Variants in GTPBP1 observed in about 807,000 individuals in gnomAD.
GTPBP1 encodes GTP-binding protein 1.
A neutral mutation model predicts 62.0 loss-of-function variants in GTPBP1; 23 were observed. That is an observed-to-expected ratio of 0.37 (90% CI 0.27 to 0.53). The LOEUF (loss-of-function observed/expected upper bound fraction) is 0.53. Ranked by LOEUF, GTPBP1 falls within the 20% of genes least tolerant of loss-of-function variation. The pLI is 0.89. For missense variants in GTPBP1, 640 were observed against 917.3 expected (o/e 0.70, Z 3.90); for synonymous variants, 344 against 364.4 (o/e 0.94, Z 0.64).
At position 38,716,254 on chromosome 22, in the gene GTPBP1, T is replaced by C; in HGVS notation, c.485+167T>C. On this transcript the variant is annotated intron_variant, in intron 3 of 11. Coordinates refer to ENST00000216044, the MANE Select transcript of GTPBP1 (RefSeq NM_004286.5). The surrounding 1 kb of genome is among the most constrained non-coding windows in gnomAD (Gnocchi z 5.2). ...CTTGCTCTAATTCTGCACTTCCCTG[T>C]CACTTTGGGAAGAGCACGAGAGAGG... 1 of 634,198 alleles carries C rather than the reference T, an allele frequency of 1.6e-6. No homozygotes were observed. Among genetic ancestry groups the C allele is most frequent in the South Asian group, 1.9e-5 (1 of 51,566 alleles). 39.3% of individuals were successfully genotyped at this position (634,198 alleles called of 1,614,324 possible).
chr22:38,738,211 C>G, downstream of GTPBP1: 1 of 1,613,956 alleles, frequency 6.2e-7, no homozygotes, highest in Non-Finnish European at 8.5e-7. This position sits in a 1 kb window ranked among gnomAD's most constrained non-coding sequence, Gnocchi z 6.6. Context: ...CCGTCCTGAT[C>G]GTAAGTGAAC....
At chr22:38,706,386 C>T (rs1302348015) in intron 1 of GTPBP1, 3 of 330,988 alleles carry the variant, frequency 9.1e-6, no homozygotes, top group Non-Finnish European at 1.6e-5. Flanking sequence ...GCCTCCCGCC[C>T]TCCCGTCTCC....
rs545833352 is a variant in GTPBP1, at chr22:38,731,867, T to A, written c.*1163T>A. 1 of 152,264 alleles carries A rather than the reference T, an allele frequency of 6.6e-6. No individual in the cohort carries two copies. Among genetic ancestry groups the A allele is most frequent in the African/African-American group, 2.4e-5 (1 of 41,480 alleles). The allele number at this position is 152,264 out of a possible 1,614,324, so 9.4% of individuals were successfully genotyped here. ...GGAGCGTGGGGCGGGCAGGCAGGGG[T>A]TAGTGAAAGGACACTTCCAGGGTTA... is the stretch of plus-strand genomic sequence containing the variant. On this transcript the variant is annotated 3_prime_UTR_variant, in exon 12 of 12. Transcript: ENST00000216044.
intron 11 of GTPBP1, 81 bp downstream of exon 11, chr22:38,729,743 G>A (rs1052220791): frequency 1.8e-6 from 2 of 1,132,146 alleles, no homozygotes; most frequent in Non-Finnish European, 2.4e-6. Context: ...TGACATGTAG[G>A]CAAGCCTCAA....
chr22:38,717,115 C>T (rs368172354), intron 4 of GTPBP1, 115 bp downstream of exon 4: 29 of 671,382 alleles, frequency 4.3e-5, no homozygotes, highest in Admixed American at 1.9e-4. Context: ...GCTTTGACAT[C>T]GGGTGAGGCT....
downstream of GTPBP1, chr22:38,739,917 G>A: frequency 1.2e-6 from 2 of 1,612,252 alleles, no homozygotes; most frequent in South Asian, 1.1e-5. This position sits in a 1 kb window ranked among gnomAD's most constrained non-coding sequence, Gnocchi z 6.7. Context: ...GGAACTGACT[G>A]ATCCAGGCCG....
chr22:38,716,271 C>G lies in GTPBP1; in HGVS notation c.485+184C>G, dbSNP rs1215377551. The stretch of plus-strand genomic sequence containing the variant: ...CTTCCCTGTCACTTTGGGAAGAGCA[C>G]GAGAGAGGCCAGCCGTGCATTCTGT... On this transcript the variant is annotated intron_variant, in intron 3 of 11. Coordinates refer to ENST00000216044, the MANE Select transcript of GTPBP1 (RefSeq NM_004286.5). The surrounding 1 kb of genome is among the most constrained non-coding windows in gnomAD (Gnocchi z 5.2). 1.6e-6 allele frequency: 1 copy of G among 610,406 alleles called. No homozygotes were observed. Among genetic ancestry groups the G allele is most frequent in the Non-Finnish European group, 2.9e-6 (1 of 345,094 alleles). The allele number at this position is 610,406 out of a possible 1,614,324, so 37.8% of individuals were successfully genotyped here. A position where few individuals can be genotyped will look rare whatever the true frequency, so the allele number is the denominator to read the frequency against.
At chr22:38,736,055 G>T, downstream of GTPBP1, 1 of 621,090 alleles carries the variant, frequency 1.6e-6, no homozygotes, top group Non-Finnish European at 3.0e-6. Context: ...CACGGGCACA[G>T]AGGGAAGGAA....
At chr22:38,739,114 G>A (rs1198050276), downstream of GTPBP1, 1 of 1,027,224 alleles carries the variant, frequency 9.7e-7, no homozygotes, top group East Asian at 2.6e-5. This position sits in a 1 kb window ranked among gnomAD's most constrained non-coding sequence, Gnocchi z 6.7. Flanking sequence ...CCCTAACCGA[G>A]ATGCTCAGAG....
In GTPBP1 at chr22:38,720,150, G is replaced by A. The variant is rs544049909; in HGVS notation, c.835-1592G>A. Among the ~76,000 whole-genome samples the A allele has an allele frequency of 1.8e-4, 28 of 151,714 alleles. No homozygotes were observed. In the South Asian group the frequency reaches 2.5e-3, roughly 14 times the overall value. Reference sequence around the variant, plus strand: ...TCACCATGTTAGCCAGGATGGTCTCGAGCTCCTGACCTCATGATCTGCCCG... The same window carrying A: ...TCACCATGTTAGCCAGGATGGTCTCAAGCTCCTGACCTCATGATCTGCCCG... On this transcript the variant is annotated intron_variant, in intron 4 of 11. Transcript: ENST00000216044.
chr22:38,707,772 C>T (rs926535633), intron 1 of GTPBP1, among the ~76,000 whole-genome samples: 1 of 151,738 alleles, frequency 6.6e-6, no homozygotes, highest in Non-Finnish European at 1.5e-5. Flanking sequence ...GTCCTCCTTA[C>T]AATTAAAAAA....
chr22:38,739,521 C>G, downstream of GTPBP1: 1 of 1,446,958 alleles, frequency 6.9e-7, no homozygotes, highest in East Asian at 2.4e-5. This position sits in a 1 kb window ranked among gnomAD's most constrained non-coding sequence, Gnocchi z 6.7. Flanking sequence ...GGGCTGACCC[C>G]TTCTAGGCTT....
At chr22:38,718,699 G>A (rs906537061) in intron 4 of GTPBP1, among the ~76,000 whole-genome samples, 3 of 152,230 alleles carry the variant, frequency 2.0e-5, no homozygotes, top group Non-Finnish European at 4.4e-5. Flanking sequence ...ATAGGGCACT[G>A]TGTAAACACA....
chr22:38,740,108 G>T (rs747158719), downstream of GTPBP1, among the ~76,000 whole-genome samples: 2 of 152,234 alleles, frequency 1.3e-5, no homozygotes, highest in Non-Finnish European at 2.9e-5. This position sits in a 1 kb window ranked among gnomAD's most constrained non-coding sequence, Gnocchi z 4.8. Context: ...CAGGAAGAAC[G>T]CCTGTCAGTG....
intron 5 of GTPBP1, chr22:38,722,683 G>A (rs899652843): frequency 1.3e-6 from 2 of 1,575,632 alleles, no homozygotes; most frequent in Non-Finnish European, 1.7e-6. Context: ...AATGATAAAA[G>A]CAGGCTTCAA....
At chr22:38,712,292 G>A (rs1808239709) in intron 2 of GTPBP1, among the ~76,000 whole-genome samples, 1 of 152,178 alleles carries the variant, frequency 6.6e-6, no homozygotes, top group Non-Finnish European at 1.5e-5. Context: ...TAGTGAATGG[G>A]CAGAGGAAAC....
At chr22:38,736,983 A>G (rs2092811235), downstream of GTPBP1, among the ~76,000 whole-genome samples, 1 of 152,160 alleles carries the variant, frequency 6.6e-6, no homozygotes, top group South Asian at 2.1e-4. Context: ...AGCTGGGACC[A>G]CAGGTGCATG....
chr22:38,742,311 G>A (rs760121449), downstream of GTPBP1: 20 of 1,602,446 alleles, frequency 1.2e-5, no homozygotes, highest in Admixed American at 5.0e-5. Context: ...CTGGATGCGA[G>A]CAGCAGTTTC....
chr22:38,728,089 T>C lies in GTPBP1; in HGVS notation c.1644T>C (p.Pro548=), dbSNP rs1452772348. The C allele has an allele frequency of 1.9e-6, 3 of 1,613,168 alleles. No homozygotes were observed. The highest frequency in any genetic ancestry group is 2.5e-6 in the Non-Finnish European group (3 of 1,179,298). The part of the protein sequence containing the change: ...ATVHFRFIKT[P]EYLHIDQRLV... ...TACACTTCCGCTTCATCAAGACCCC[T>C]GAGTACCTGCACATAGACCAGCGGC... is the stretch of plus-strand genomic sequence containing the variant. Residue 548 remains proline, a synonymous_variant, in exon 10 of 12, where the codon CCT becomes CCC. Coordinates refer to ENST00000216044, the MANE Select transcript of GTPBP1 (RefSeq NM_004286.5).
Sources: gnomAD v4.1 joint callset for allele counts (sites outside exome capture counted in the v4.1 genomes callset) on GRCh38, gnomAD v4.1.1 for gene constraint, Gnocchi (gnomAD v3.1) non-coding constraint, MANE v1.5 for transcripts, NCBI Gene and HGNC (gene_info 2026-07-23, HGNC 2026-07-21) for gene names.